CADM2: variants seen among roughly 807,000 people sequenced by gnomAD.
CADM2 encodes the protein cell adhesion molecule 2, also known as immunoglobulin superfamily member 4D.
In CADM2, 12 loss-of-function variants were observed where a neutral mutation model predicts 49.8. The ratio of observed to expected loss-of-function variants is 0.24; its 90% CI spans 0.15 to 0.39. The LOEUF (loss-of-function observed/expected upper bound fraction) is 0.39. CADM2 is among the 10% of genes least tolerant of loss of function. The pLI, the probability that CADM2 is intolerant of heterozygous loss-of-function variation, is 1.00. For missense variants in CADM2, 378 were observed against 492.3 expected, an observed-to-expected ratio of 0.77 and a Z score of 2.20; for synonymous variants, 214 against 175.4, an observed-to-expected ratio of 1.22 and a Z score of -1.74.
chr3:85,654,191 G>A (rs916085389), intron 1 of CADM2, among the ~76,000 whole-genome samples: 2 of 152,092 alleles, frequency 1.3e-5, no homozygotes, highest in Admixed American at 6.6e-5. Flanking sequence ...TTCACTGGAG[G>A]GAAAAATAGG....
intron 1 of CADM2, among the ~76,000 whole-genome samples, chr3:85,613,660 A>C (rs181953340): frequency 4.7e-4 from 72 of 151,738 alleles, no homozygotes; most frequent in Non-Finnish European, 7.5e-4. Context: ...TTATTTTTAT[A>C]CCTTGTTTTG....
At chr3:85,590,886 AT>A (rs1257958379) in intron 1 of CADM2, among the ~76,000 whole-genome samples, 1 of 151,412 alleles carries the variant, frequency 6.6e-6, no homozygotes, top group Admixed American at 6.6e-5. Flanking sequence ...TATACTCAAT[AT>A]TTTTAAAAAT....
intron 2 of CADM2, among the ~76,000 whole-genome samples, chr3:85,794,704 T>C (rs563281342): frequency 6.6e-6 from 1 of 152,124 alleles, no homozygotes; most frequent in Admixed American, 6.6e-5. Context: ...CTCGATGATA[T>C]GACCAATGTA....
intron 8 of CADM2, chr3:86,015,046 C>A: frequency 1.2e-6 from 1 of 800,694 alleles, no homozygotes; most frequent in Non-Finnish European, 2.1e-6. Context: ...GATTTAATGG[C>A]GGACACACAC....
chr3:85,761,638 G>C (rs962980718), intron 2 of CADM2, among the ~76,000 whole-genome samples: 1 of 152,070 alleles, frequency 6.6e-6, no homozygotes, highest in African/African-American at 2.4e-5. Context: ...GCCTCCCAAA[G>C]TTCTGGGATT....
At chr3:85,105,709 G>T (rs1170994990) in intron 1 of CADM2, among the ~76,000 whole-genome samples, 1 of 152,140 alleles carries the variant, frequency 6.6e-6, no homozygotes, top group Non-Finnish European at 1.5e-5. Flanking sequence ...GTCCAACAAT[G>T]ATAGACTGGA....
chr3:85,266,136 T>C (rs2043117442), intron 1 of CADM2, among the ~76,000 whole-genome samples: 1 of 151,902 alleles, frequency 6.6e-6, no homozygotes, highest in Non-Finnish European at 1.5e-5. Context: ...TGTCTGTAGG[T>C]GGTGAGATAG....
At chr3:85,170,373 C>G (rs1026834184) in intron 1 of CADM2, among the ~76,000 whole-genome samples, 1 of 149,336 alleles carries the variant, frequency 6.7e-6, no homozygotes, top group Non-Finnish European at 1.5e-5. Flanking sequence ...GAGTCTTGCT[C>G]TGTTGCCCAG....
At chr3:85,773,400 A>G (rs1338867640) in intron 2 of CADM2, among the ~76,000 whole-genome samples, 1 of 152,062 alleles carries the variant, frequency 6.6e-6, no homozygotes, top group African/African-American at 2.4e-5. Context: ...CAGTCTCTGC[A>G]CAAGGAACTT....
At chr3:85,031,305 A>G (rs962704220) in intron 1 of CADM2, among the ~76,000 whole-genome samples, 1 of 152,214 alleles carries the variant, frequency 6.6e-6, no homozygotes, top group Non-Finnish European at 1.5e-5. Flanking sequence ...CTTGCAGGGC[A>G]TAGCGCAGGT....
At chr3:84,992,455 G>C (rs12497566) in intron 1 of CADM2, among the ~76,000 whole-genome samples, 7,500 of 151,904 alleles carry the variant, frequency 0.049, 218 homozygotes, top group East Asian at 0.1. Context: ...GTGGTGAAAC[G>C]CTGTCTCTAC....
intron 8 of CADM2, among the ~76,000 whole-genome samples, chr3:86,030,692 A>T (rs1387808928): frequency 6.6e-6 from 1 of 151,932 alleles, no homozygotes; most frequent in East Asian, 1.9e-4. Context: ...TATAAGGTCA[A>T]CGCTATAAGG....
intron 1 of CADM2, among the ~76,000 whole-genome samples, chr3:85,202,176 TCTG>T (rs2041521238): frequency 6.6e-6 from 1 of 152,034 alleles, no homozygotes; most frequent in Non-Finnish European, 1.5e-5. Flanking sequence ...TATGTCTAAT[TCTG>T]CTTCTCTTGC....
intron 8 of CADM2, among the ~76,000 whole-genome samples, chr3:86,056,951 C>T (rs926598107): frequency 5.3e-5 from 8 of 152,180 alleles, no homozygotes; most frequent in Non-Finnish European, 1.2e-4. Context: ...TGCTTTAACC[C>T]GTCATTGAAA....
chr3:85,082,940 A>C (rs527592499), intron 1 of CADM2, among the ~76,000 whole-genome samples: 1 of 152,112 alleles, frequency 6.6e-6, no homozygotes, highest in Non-Finnish European at 1.5e-5. Context: ...AAAAATAACA[A>C]TGTTGAGGCA....
chr3:85,638,476 G>C (rs1321696896), intron 1 of CADM2, among the ~76,000 whole-genome samples: 1 of 152,028 alleles, frequency 6.6e-6, no homozygotes, highest in South Asian at 2.1e-4. Context: ...TTTAGAACAA[G>C]AGGTGTTTGC....
chr3:85,054,062 G>T (rs141756771), intron 1 of CADM2, among the ~76,000 whole-genome samples: 1 of 151,938 alleles, frequency 6.6e-6, no homozygotes, highest in Non-Finnish European at 1.5e-5. Flanking sequence ...CTTAAAATTT[G>T]TTGTCATCAG....
rs190162577 is a variant in CADM2 at position 85,019,408 on chromosome 3, A to G, written c.61+59740A>G. Among the ~76,000 whole-genome samples, 3 of 152,254 alleles carry G rather than the reference A, an allele frequency of 2.0e-5. No homozygotes were observed. The East Asian group carries it at 5.8e-4, about 30-fold the overall frequency. On this transcript the variant is annotated intron_variant, in intron 1 of 9. Coordinates refer to ENST00000383699, the MANE Select transcript of CADM2 (RefSeq NM_001167675.2). ...TGAGCTGAGAAGATCACTTGAGCCC[A>G]GGAGGTCGAGGCTGCAGTGAGCTGT...
chr3:85,911,054 T>C (rs1305198092), intron 5 of CADM2, among the ~76,000 whole-genome samples: 1 of 152,106 alleles, frequency 6.6e-6, no homozygotes, highest in Non-Finnish European at 1.5e-5. Flanking sequence ...TTAAAATAAA[T>C]TACTTAATAT....
Sources: allele counts gnomAD v4.1 joint callset (sites outside exome capture counted in the v4.1 genomes callset), GRCh38; gene constraint gnomAD v4.1.1; transcripts MANE v1.5; gene names NCBI Gene and HGNC (gene_info 2026-07-23, HGNC 2026-07-21).